The following SLC25A15 variants were observed in gnomAD, a reference collection of about 807,000 sequenced individuals.
SLC25A15 encodes the protein mitochondrial ornithine transporter 1.
Under a neutral mutation model 32.3 loss-of-function variants are expected in SLC25A15, and 24 were observed. The observed-to-expected ratio is 0.74, with a 90% confidence interval of 0.54 to 1.04. SLC25A15 has a LOEUF of 1.04. SLC25A15 is among the 50% of genes least tolerant of loss of function. The pLI is 0.00. For synonymous variants in SLC25A15, 132 were observed against 142.1 expected (o/e 0.93, Z 0.51); for missense variants, 317 against 374.5 (o/e 0.85, Z 1.27).
chr13:40,807,584 A>AG (rs967007588), intron 5 of SLC25A15, 121 bp downstream of exon 5: 5 of 1,135,674 alleles, frequency 4.4e-6, no homozygotes, highest in Non-Finnish European at 6.6e-6. Context: ...CATCTGGCAC[A>AG]GGGAAGCTTC....
chr13:40,808,628 A>G lies in SLC25A15; in HGVS notation c.781+32A>G, dbSNP rs756333691. The stretch of plus-strand genomic sequence containing the variant: ...AAATACCTGTTTTTCAAGCATCTAT[A>G]TACATCTTAAAATCTGAGATACGGG... On this transcript the variant is annotated intron_variant, in intron 6 of 6. Coordinates refer to ENST00000338625, the MANE Select transcript of SLC25A15 (RefSeq NM_014252.4). 6 of 1,584,582 alleles carry G rather than the reference A, an allele frequency of 3.8e-6. No individual in the cohort carries two copies. In the African/African-American group the frequency reaches 5.5e-5, roughly 15 times the overall value.
chr13:40,803,075 T>C (rs1190130878), intron 3 of SLC25A15, among the ~76,000 whole-genome samples: 1 of 152,120 alleles, frequency 6.6e-6, no homozygotes, highest in African/African-American at 2.4e-5. Flanking sequence ...CAATGAAGGA[T>C]TGTCCTACCC....
rs1421187063 is a variant in SLC25A15 at position 40,811,403 on chromosome 13, C to T, written c.*1736C>T. ...ACTCAGGAGGCTGAGGCAGGAGAAT[C>T]GCTTGAACCCGGGAGGCAGAGGTTG... On this transcript the variant is annotated 3_prime_UTR_variant, in exon 7 of 7. Coordinates refer to ENST00000338625, the MANE Select transcript of SLC25A15 (RefSeq NM_014252.4). 2.6e-5 allele frequency among the ~76,000 whole-genome samples: 4 copies of T among 152,116 alleles called. No individual in the cohort carries two copies. Among genetic ancestry groups the T allele is most frequent in the African/African-American group, 9.6e-5 (4 of 41,482 alleles).
intron 3 of SLC25A15, among the ~76,000 whole-genome samples, chr13:40,804,445 G>A (rs1882058298): frequency 6.6e-6 from 1 of 152,162 alleles, no homozygotes. Flanking sequence ...TCATCTCTAA[G>A]TGTCACTTCC....
intron 3 of SLC25A15, among the ~76,000 whole-genome samples, chr13:40,804,372 A>G (rs940716923): frequency 6.6e-6 from 1 of 152,162 alleles, no homozygotes; most frequent in Non-Finnish European, 1.5e-5. Context: ...TGTTGCAGTC[A>G]GGAAGACCTG....
intron 2 of SLC25A15, among the ~76,000 whole-genome samples, chr13:40,796,348 T>A (rs1411483988): frequency 1.3e-5 from 2 of 152,172 alleles, no homozygotes; most frequent in Non-Finnish European, 2.9e-5. Flanking sequence ...ACAGCTAGGA[T>A]AAAGGAGGAT....
Position 40,811,020 on chromosome 13 carries a change from TAGAAA to T in SLC25A15, c.*1354_*1358del. ...TGGGTGAACCTCTCTCAGAGAGAACTAGAAAGAACTCAGTGCTTGTACTCCACAGT... is the reference window on the plus strand; with the variant it reads ...TGGGTGAACCTCTCTCAGAGAGAACTGAACTCAGTGCTTGTACTCCACAGT... On this transcript the variant is annotated 3_prime_UTR_variant, in exon 7 of 7. Coordinates refer to ENST00000338625, the MANE Select transcript of SLC25A15 (RefSeq NM_014252.4). 6.6e-6 allele frequency among the ~76,000 whole-genome samples: 1 copy of T among 152,202 alleles called. No homozygotes were observed. Among genetic ancestry groups the T allele is most frequent in the Non-Finnish European group, 1.5e-5 (1 of 68,042 alleles).
rs927778128 is a variant in SLC25A15 at position 40,812,037 on chromosome 13, A to G, written c.*2370A>G. 6.6e-6 allele frequency among the ~76,000 whole-genome samples: 1 copy of G among 152,174 alleles called. No homozygotes were observed. The highest frequency in any genetic ancestry group is 1.5e-5 in the Non-Finnish European group (1 of 68,026). ...TTCTTTAAGTGAAAACCATTTTTCT[A>G]CTTTGCTTTTCTCTCCATACTTAAA... On this transcript the variant is annotated 3_prime_UTR_variant, in exon 7 of 7. Transcript: ENST00000338625.
intron 6 of SLC25A15, among the ~76,000 whole-genome samples, chr13:40,808,841 A>C (rs539148338): frequency 4.8e-5 from 7 of 147,164 alleles, no homozygotes; most frequent in African/African-American, 1.8e-4. Flanking sequence ...AGGCTGAGAC[A>C]GGAGAATGGC....
Position 40,807,333 on chromosome 13 carries a change from T to G in SLC25A15, c.492T>G (p.Asp164Glu), listed in dbSNP as rs1882229220. ...WSVIKSILRK[D>E]GPLGFYHGLS... The stretch of plus-strand genomic sequence containing the variant: ...TCATCAAAAGTATTCTTAGGAAAGA[T>G]GGCCCCTTGGGGTTCTACCATGGAC... The change falls in exon 5 of 7, where the codon GAT becomes GAG. Residue 164 changes from aspartate (D) to glutamate (E), a missense_variant. Physicochemically the swap from Asp to Glu is conservative, Grantham distance 45 (BLOSUM62 2). Coordinates refer to ENST00000338625, the MANE Select transcript of SLC25A15 (RefSeq NM_014252.4). 1.2e-6 allele frequency: 2 copies of G among 1,614,034 alleles called. No individual in the cohort carries two copies. Among genetic ancestry groups the G allele is most frequent in the African/African-American group, 1.3e-5 (1 of 74,926 alleles).
chr13:40,796,912 G>A (rs1881686353), intron 2 of SLC25A15, among the ~76,000 whole-genome samples: 1 of 152,198 alleles, frequency 6.6e-6, no homozygotes, highest in African/African-American at 2.4e-5. Context: ...GGAATAAGAT[G>A]CTTGGCTGGC....
Position 40,811,538 on chromosome 13 carries a change from T to C in SLC25A15, c.*1871T>C, listed in dbSNP as rs1412597201. On this transcript the variant is annotated 3_prime_UTR_variant, in exon 7 of 7. Transcript: ENST00000338625. ...ATTGTACTTCACTATGCCATATGTA[T>C]GTATTCACTGACCAAAAATTCACTG... Among the ~76,000 whole-genome samples the C allele has an allele frequency of 6.6e-6, 1 of 151,970 alleles. No homozygotes were observed. The highest frequency in any genetic ancestry group is 2.1e-4 in the South Asian group (1 of 4,824).
intron 3 of SLC25A15, among the ~76,000 whole-genome samples, chr13:40,800,403 G>A (rs372946365): frequency 1.6e-4 from 25 of 152,262 alleles, no homozygotes; most frequent in African/African-American, 6.0e-4. Flanking sequence ...AACAAGCAGG[G>A]CACAAACCAG....
chr13:40,796,402 G>A (rs935449037), intron 2 of SLC25A15, among the ~76,000 whole-genome samples: 4 of 152,138 alleles, frequency 2.6e-5, no homozygotes, highest in Admixed American at 2.0e-4. Context: ...ATGGGGGTGC[G>A]TGGATCCCAA....
rs1882425373 is a variant in SLC25A15 at position 40,811,020 on chromosome 13, T to C, written c.*1353T>C. On this transcript the variant is annotated 3_prime_UTR_variant, in exon 7 of 7. Transcript: ENST00000338625. ...TGGGTGAACCTCTCTCAGAGAGAAC[T>C]AGAAAGAACTCAGTGCTTGTACTCC... 6.6e-6 allele frequency among the ~76,000 whole-genome samples: 1 copy of C among 152,202 alleles called. No homozygotes were observed. The highest frequency in any genetic ancestry group is 2.1e-4 in the South Asian group (1 of 4,834).
At chr13:40,807,210 A>G in intron 4 of SLC25A15, 84 bp from the exon 5 acceptor site, 1 of 1,244,492 alleles carries the variant, frequency 8.0e-7, no homozygotes, top group Non-Finnish European at 1.2e-6. Flanking sequence ...GCTTGATCAG[A>G]TCTGTTAATT....
At position 40,799,157 on chromosome 13, in the gene SLC25A15, G is replaced by A. The variant is rs1436102691; in HGVS notation, c.156G>A (p.Leu52=). 1 of 1,614,176 alleles carries A rather than the reference G, an allele frequency of 6.2e-7. No homozygotes were observed. Among genetic ancestry groups the A allele is most frequent in the East Asian group, 2.2e-5 (1 of 44,886 alleles). Residue 52 remains leucine (L), a synonymous_variant, in exon 3 of 7, where the codon CTG becomes CTA. Coordinates refer to ENST00000338625, the MANE Select transcript of SLC25A15 (RefSeq NM_014252.4). ...DLYRGLTDCC[L]KTYSQVGFRG... Reference sequence around the variant, plus strand: ...ACCGGGGCCTCACCGACTGCTGCCTGAAGACTTACTCCCAGGTGGGCTTCC... The same window carrying A: ...ACCGGGGCCTCACCGACTGCTGCCTAAAGACTTACTCCCAGGTGGGCTTCC...
In SLC25A15 at chr13:40,799,250, G is replaced by A. The variant is rs765128094; in HGVS notation, c.249G>A (p.Met83Ile). The A allele has an allele frequency of 7.4e-6, 12 of 1,614,192 alleles. No homozygotes were observed. The highest frequency in any genetic ancestry group is 1.0e-5 in the Non-Finnish European group (12 of 1,180,040). ...TCGCTGAGAACTCAGTCCTCTTCAT[G>A]TGCTACGGCTTCTGCCAGCAGGTGG... is the stretch of plus-strand genomic sequence containing the variant. ...ANIAENSVLF[M>I]CYGFCQQVVR... is the part of the protein sequence containing the mutation. Residue 83 changes from methionine to isoleucine, a missense_variant, in exon 3 of 7, where the codon ATG becomes ATA. Physicochemically the swap from Met to Ile is conservative, Grantham distance 10 (BLOSUM62 1). Transcript: ENST00000338625.
rs1882392838 is a variant in SLC25A15 at position 40,810,283 on chromosome 13, T to C, written c.*616T>C. Among the ~76,000 whole-genome samples the C allele has an allele frequency of 1.3e-5, 2 of 152,182 alleles. No homozygotes were observed. Among genetic ancestry groups the C allele is most frequent in the African/African-American group, 4.8e-5 (2 of 41,438 alleles). On this transcript the variant is annotated 3_prime_UTR_variant, in exon 7 of 7. Transcript: ENST00000338625. ...AAGCGATTCTCTCACCTCAGCCTCC[T>C]GAGTAGCTGGGATTACAGGTACGCG... is the stretch of plus-strand genomic sequence containing the variant.
Sources: gnomAD v4.1 joint callset for allele counts (sites outside exome capture counted in the v4.1 genomes callset) on GRCh38, gnomAD v4.1.1 for gene constraint, MANE v1.5 for transcripts, NCBI Gene and HGNC (gene_info 2026-07-23, HGNC 2026-07-21) for gene names.